Variants in TAS2R1 observed in about 807,000 individuals in gnomAD.
TAS2R1 encodes the protein taste 2 receptor member 1, also known as taste receptor type 2 member 1.
For missense variants in TAS2R1, 370 were observed against 353.4 expected, an observed-to-expected ratio of 1.05 and a Z score of -0.38; for synonymous variants, 141 against 134.2, an observed-to-expected ratio of 1.05 and a Z score of -0.35.
At chr5:9,824,986 T>C in the TAS2R1 span, among the ~76,000 whole-genome samples, 1 of 152,166 alleles carries the variant, frequency 6.6e-6, no homozygotes, top group Non-Finnish European at 1.5e-5. Context: ...CACTGTAAGA[T>C]ACAGCCCCCA....
At chr5:9,880,871 C>G in the TAS2R1 span, among the ~76,000 whole-genome samples, 2 of 152,054 alleles carry the variant, frequency 1.3e-5, no homozygotes, top group Non-Finnish European at 2.9e-5. Flanking sequence ...TGCCATATAC[C>G]AGATAAAAGT....
At chr5:9,796,324 G>C in the TAS2R1 span, among the ~76,000 whole-genome samples, 1 of 152,114 alleles carries the variant, frequency 6.6e-6, no homozygotes, top group Non-Finnish European at 1.5e-5. Flanking sequence ...ACTGGGCCCA[G>C]GCACCAGCCC....
intron 1 of TAS2R1, among the ~76,000 whole-genome samples, chr5:9,688,788 C>G (rs563179692): frequency 6.6e-6 from 1 of 152,240 alleles, no homozygotes; most frequent in South Asian, 2.1e-4. Flanking sequence ...CTCTCTAAAG[C>G]TTCCCCCAAT....
At chr5:9,835,106 G>A in the TAS2R1 span, among the ~76,000 whole-genome samples, 1 of 152,104 alleles carries the variant, frequency 6.6e-6, no homozygotes, top group Admixed American at 6.5e-5. Flanking sequence ...GCTCAGAAAC[G>A]CCAAAGGAAA....
chr5:9,843,153 C>G, the TAS2R1 span, among the ~76,000 whole-genome samples: 9,077 of 152,212 alleles, frequency 0.06, 640 homozygotes, highest in East Asian at 0.23. Context: ...AAGTAGCTCA[C>G]AGAATGTTGG....
the TAS2R1 span, among the ~76,000 whole-genome samples, chr5:9,816,700 AT>A: frequency 6.6e-5 from 10 of 152,252 alleles, no homozygotes; most frequent in African/African-American, 2.4e-4. Context: ...CTCTTAGCCT[AT>A]TTTGAAAGGT....
intron 2 of TAS2R1, chr5:9,659,319 T>C (rs983253595): frequency 6.6e-6 from 1 of 152,150 alleles, no homozygotes; most frequent in African/African-American, 2.4e-5. Flanking sequence ...TCTGAAAAGA[T>C]GCTTTCACAT....
At chr5:9,768,144 C>A in the TAS2R1 span, among the ~76,000 whole-genome samples, 14 of 152,070 alleles carry the variant, frequency 9.2e-5, no homozygotes, top group Admixed American at 9.2e-4. Context: ...CCACACATGC[C>A]AACACATCCC....
chr5:9,676,160 T>C (rs1278743307), intron 1 of TAS2R1, among the ~76,000 whole-genome samples: 1 of 152,240 alleles, frequency 6.6e-6, no homozygotes, highest in Non-Finnish European at 1.5e-5. Context: ...TTAATTGATT[T>C]GCATACATTG....
chr5:9,815,657 C>T, the TAS2R1 span, among the ~76,000 whole-genome samples: 6 of 150,860 alleles, frequency 4.0e-5, no homozygotes, highest in Admixed American at 1.3e-4. Flanking sequence ...CTGTATTGTA[C>T]ATTTGTTAAA....
the TAS2R1 span, among the ~76,000 whole-genome samples, chr5:9,840,702 T>C: frequency 4.6e-5 from 7 of 152,016 alleles, no homozygotes; most frequent in Non-Finnish European, 8.8e-5. Flanking sequence ...TCTGTGTTTC[T>C]GATAGGATTA....
the TAS2R1 span, among the ~76,000 whole-genome samples, chr5:9,848,667 C>T: frequency 2.0e-5 from 3 of 152,042 alleles, no homozygotes; most frequent in Non-Finnish European, 4.4e-5. Flanking sequence ...TTTCCAATGT[C>T]TACATATATG....
the TAS2R1 span, among the ~76,000 whole-genome samples, chr5:9,773,506 A>C: frequency 6.6e-6 from 1 of 152,174 alleles, no homozygotes; most frequent in Non-Finnish European, 1.5e-5. Context: ...ATTTACTAAT[A>C]GCAGTGAGTT....
intron 2 of TAS2R1, among the ~76,000 whole-genome samples, chr5:9,642,336 T>C (rs1740102566): frequency 6.6e-6 from 1 of 152,218 alleles, no homozygotes; most frequent in East Asian, 1.9e-4. Context: ...CATGTGCATG[T>C]ATTAACATTG....
chr5:9,664,835 T>A (rs1169107534), intron 1 of TAS2R1, among the ~76,000 whole-genome samples: 5 of 152,234 alleles, frequency 3.3e-5, no homozygotes, highest in Admixed American at 6.6e-5. Context: ...ACTTACTATG[T>A]TTCGGGCACC....
chr5:9,680,036 G>A (rs1345182112), intron 1 of TAS2R1, among the ~76,000 whole-genome samples: 16 of 152,096 alleles, frequency 1.1e-4, no homozygotes, highest in Non-Finnish European at 1.2e-4. Context: ...CAGATAGTAA[G>A]GAAGTGTTTA....
At chr5:9,869,897 T>G in the TAS2R1 span, among the ~76,000 whole-genome samples, 4 of 152,250 alleles carry the variant, frequency 2.6e-5, no homozygotes, top group Non-Finnish European at 4.4e-5. Flanking sequence ...TTTCTCAAGA[T>G]AGAACAACTA....
At chr5:9,634,906 C>G (rs1739937157), upstream of TAS2R1, among the ~76,000 whole-genome samples, 1 of 152,046 alleles carries the variant, frequency 6.6e-6, no homozygotes, top group South Asian at 2.1e-4. Context: ...AACAGTTTGA[C>G]TTCCTCTTTA....
the TAS2R1 span, among the ~76,000 whole-genome samples, chr5:9,815,004 G>C: frequency 6.6e-6 from 1 of 152,276 alleles, no homozygotes; most frequent in South Asian, 2.1e-4. Flanking sequence ...ATGGCGTGTC[G>C]GAGAAAGCGA....
Sources: allele counts gnomAD v4.1 joint callset (sites outside exome capture counted in the v4.1 genomes callset), GRCh38; gene constraint gnomAD v4.1.1; transcripts MANE v1.5; gene names NCBI Gene and HGNC (gene_info 2026-07-23, HGNC 2026-07-21).